TARBP1: variants seen among roughly 807,000 people sequenced by gnomAD.
The protein encoded by TARBP1 is tRNA guanosine 2 -O-methyltransferase TARBP1.
Under a neutral mutation model 178.6 loss-of-function variants are expected in TARBP1, and 144 were observed. The ratio of observed to expected loss-of-function variants is 0.81; its 90% CI spans 0.70 to 0.93. The LOEUF is 0.93. Ranked by LOEUF, TARBP1 falls within the 40% of genes least tolerant of loss-of-function variation. TARBP1 has a pLI of 0.00. For missense variants in TARBP1, 2,067 were observed against 2,011.7 expected (o/e 1.03, Z -0.53); for synonymous variants, 787 against 781.0 (o/e 1.01, Z -0.13).
chr1:234,395,041 T>G (rs758233905), intron 26 of TARBP1, among the ~76,000 whole-genome samples: 4 of 151,440 alleles, frequency 2.6e-5, no homozygotes, highest in Non-Finnish European at 5.9e-5. Context: ...CTGGCCAACA[T>G]AGCGAAACCC....
At chr1:234,396,826 C>T (rs1659980860) in intron 26 of TARBP1, among the ~76,000 whole-genome samples, 1 of 151,594 alleles carries the variant, frequency 6.6e-6, no homozygotes, top group Non-Finnish European at 1.5e-5. Context: ...CAACAAGTCA[C>T]ATGTGAGTCC....
In TARBP1 at chr1:234,429,231, C is replaced by T. The variant is rs1236795168; in HGVS notation, c.2965G>A (p.Ala989Thr). Residue 989 changes from alanine to threonine, a missense_variant, in exon 17 of 30, where the codon GCT (alanine) becomes ACT (threonine). Physicochemically the swap from Ala to Thr is moderately conservative, Grantham distance 58 (BLOSUM62 0). Coordinates refer to ENST00000040877, the MANE Select transcript of TARBP1 (RefSeq NM_005646.4). ...AACTGAACAAAAGCTTTTAAATTAG[C>T]CCAGAATATCAGCTGAGTGTTGCTT... Reference protein sequence around the residue: ...SLSNTQLIFWANLKAFVQFVF... With the variant: ...SLSNTQLIFWTNLKAFVQFVF... 2 of 1,610,646 alleles carry T rather than the reference C, an allele frequency of 1.2e-6. No homozygotes were observed. The highest frequency in any genetic ancestry group is 1.1e-5 in the South Asian group (1 of 89,832).
chr1:234,474,245 A>AACAC (rs35976593), intron 1 of TARBP1, among the ~76,000 whole-genome samples: 7,993 of 81,200 alleles, frequency 0.098, 444 homozygotes, highest in East Asian at 0.3. Context: ...TTGTCTCTAA[A>AACAC]ACACACACAC....
intron 23 of TARBP1, among the ~76,000 whole-genome samples, chr1:234,409,853 C>G (rs145510281): frequency 6.6e-6 from 1 of 152,272 alleles, no homozygotes; most frequent in East Asian, 1.9e-4. Flanking sequence ...TATTCCAAAT[C>G]TTACTGGCAG....
At chr1:234,456,678 A>G (rs1014152864) in intron 9 of TARBP1, among the ~76,000 whole-genome samples, 1 of 152,248 alleles carries the variant, frequency 6.6e-6, no homozygotes, top group African/African-American at 2.4e-5. Flanking sequence ...TAGAGAGATC[A>G]TATGTATTAT....
At chr1:234,449,771 C>T (rs1469043767) in intron 10 of TARBP1, among the ~76,000 whole-genome samples, 2 of 152,122 alleles carry the variant, frequency 1.3e-5, no homozygotes, top group African/African-American at 4.8e-5. Context: ...AAATTTAAGA[C>T]ATGTTAAATT....
chr1:234,475,955 G>A (rs12084462), intron 1 of TARBP1, among the ~76,000 whole-genome samples: 2,471 of 149,318 alleles, frequency 0.017, 72 homozygotes, highest in African/African-American at 0.055. Flanking sequence ...CTAACTCAAT[G>A]CCACAAAGTA....
At position 234,467,580 on chromosome 1, in the gene TARBP1, G is replaced by C. The variant is rs1330094643; in HGVS notation, c.1170C>G (p.Ile390Met). ...AATGGATAACACCTTCTTTGGACAG[G>C]ATTTTGTTTTCACTTTCAAACATTC... ...YKRMFESENK[I>M]LSKEGVIHFL... Residue 390 changes from isoleucine to methionine, a missense_variant, in exon 4 of 30, where the codon ATC becomes ATG. Physicochemically the swap from Ile to Met is conservative, Grantham distance 10. Coordinates refer to ENST00000040877, the MANE Select transcript of TARBP1 (RefSeq NM_005646.4). 6.2e-7 allele frequency: 1 copy of C among 1,609,228 alleles called. No homozygotes were observed. Among genetic ancestry groups the C allele is most frequent in the African/African-American group, 1.3e-5 (1 of 74,794 alleles).
chr1:234,393,149 A>G (rs926266459), intron 28 of TARBP1, among the ~76,000 whole-genome samples: 1 of 152,210 alleles, frequency 6.6e-6, no homozygotes, highest in Non-Finnish European at 1.5e-5. Flanking sequence ...AAGTAGAAAA[A>G]CAGAAGTGAG....
rs1272184054 is a variant in TARBP1 at position 234,478,513 on chromosome 1, T to C, written c.591A>G (p.Pro197=). Residue 197 remains proline (P), a synonymous_variant, in exon 1 of 30, where the codon CCA becomes CCG. Transcript: ENST00000040877. ...CCGCCCCGCCACATTGGACCAGCAC[T>C]GGCAGCAGTCGCCCGGCCACCAGCG... ...AAALVAGRLL[P]VLVQCGGAAL... is the part of the protein sequence containing the mutation. 3.6e-6 allele frequency: 5 copies of C among 1,384,638 alleles called. No homozygotes were observed. The highest frequency in any genetic ancestry group is 1.4e-5 in the South Asian group (1 of 69,084). The allele number at this position is 1,384,638 out of a possible 1,614,324, so 85.8% of individuals were successfully genotyped here.
chr1:234,407,552 G>T (rs1661385755), intron 23 of TARBP1: 1 of 152,116 alleles, frequency 6.6e-6, no homozygotes, highest in South Asian at 2.1e-4. Flanking sequence ...GGCCAGGCTG[G>T]TCTCGAACTC....
In TARBP1 at chr1:234,479,175, G is replaced by C; in HGVS notation, c.-72C>G. On this transcript the variant is annotated 5_prime_UTR_variant, in exon 1 of 30. Transcript: ENST00000040877. ...CGGCGTGTGCGATGCGTGCGCACAG[G>C]ACCGGCCGGCCCCTACGTGCGCGTG... 2 of 1,350,782 alleles carry C rather than the reference G, an allele frequency of 1.5e-6. No homozygotes were observed. The highest frequency in any genetic ancestry group is 3.7e-5 in the Admixed American group (1 of 26,912). The allele number at this position is 1,350,782 out of a possible 1,614,324, so 83.7% of individuals were successfully genotyped here. A position where few individuals can be genotyped will look rare whatever the true frequency, so the allele number is the denominator to read the frequency against.
chr1:234,442,321 A>G (rs893869966), intron 12 of TARBP1, among the ~76,000 whole-genome samples: 7 of 152,220 alleles, frequency 4.6e-5, no homozygotes, highest in Non-Finnish European at 1.0e-4. Context: ...CAAAAAGAAA[A>G]TATGTGCAAA....
At chr1:234,405,794 G>T in intron 24 of TARBP1, 109 bp downstream of exon 24, 3 of 1,056,400 alleles carry the variant, frequency 2.8e-6, no homozygotes, top group Admixed American at 2.4e-5. Flanking sequence ...CTCCAGGACG[G>T]CAGCATGAGG....
At position 234,391,921 on chromosome 1, in the gene TARBP1, T is replaced by TA. The variant is rs201536722; in HGVS notation, c.4698-177dup. ...TAGTACCGGGAAATAAATAAGAGTG[T>TA]AAAAAAAAAGACTGATGGGTCAATT... is the stretch of plus-strand genomic sequence containing the variant. On this transcript the variant is annotated intron_variant, in intron 29 of 29. Transcript: ENST00000040877. 6.1e-3 allele frequency among the ~76,000 whole-genome samples: 927 copies of TA among 151,194 alleles called. 10 individuals are homozygous for TA. The highest frequency in any genetic ancestry group is 0.021 in the African/African-American group (885 of 41,200).
At chr1:234,441,053 G>A (rs567675151) in intron 12 of TARBP1, among the ~76,000 whole-genome samples, 1 of 152,286 alleles carries the variant, frequency 6.6e-6, no homozygotes, top group East Asian at 1.9e-4. Flanking sequence ...GCATGGTGGT[G>A]AGCACCTGCA....
At chr1:234,411,871 T>C (rs914455359) in intron 22 of TARBP1, among the ~76,000 whole-genome samples, 1 of 152,150 alleles carries the variant, frequency 6.6e-6, no homozygotes, top group African/African-American at 2.4e-5. Flanking sequence ...AAAGAGCATA[T>C]AAGCAGGAAG....
In TARBP1 at chr1:234,429,614, A is replaced by T; in HGVS notation, c.2673T>A (p.Asp891Glu). 6.2e-7 allele frequency: 1 copy of T among 1,614,026 alleles called. No homozygotes were observed. Among genetic ancestry groups the T allele is most frequent in the Non-Finnish European group, 8.5e-7 (1 of 1,179,960 alleles). Residue 891 changes from aspartate (D) to glutamate (E), a missense_variant, in exon 16 of 30, where the codon GAT becomes GAA. Asp to Glu is a conservative substitution (Grantham distance 45, BLOSUM62 2). Transcript: ENST00000040877. ...WGKIVAQYIH[D>E]QWVCLSFLLK... is the part of the protein sequence containing the mutation. ...ACAGGAAAGAGAGGCACACCCATTG[A>T]TCATGAATATATTGTGCAACTATTT...
At chr1:234,406,407 A>G (rs980097705) in intron 23 of TARBP1, 3 of 265,766 alleles carry the variant, frequency 1.1e-5, no homozygotes, top group African/African-American at 2.2e-5. Context: ...GCTAACCATT[A>G]TACAACCAAA....
Sources: allele counts gnomAD v4.1 joint callset (sites outside exome capture counted in the v4.1 genomes callset), GRCh38; gene constraint gnomAD v4.1.1; transcripts MANE v1.5; gene names NCBI Gene and HGNC (gene_info 2026-07-23, HGNC 2026-07-21).